ORC2: variants seen among roughly 807,000 people sequenced by gnomAD.
The protein encoded by ORC2 is origin recognition complex subunit 2, also known as origin recognition complex protein 2 homolog.
Under a neutral mutation model 77.7 loss-of-function variants are expected in ORC2, and 37 were observed. The ratio of observed to expected loss-of-function variants is 0.48; its 90% CI spans 0.37 to 0.63. ORC2 has a LOEUF of 0.63. Ranked by LOEUF, ORC2 falls within the 20% of genes least tolerant of loss-of-function variation. The pLI is 0.00. For synonymous variants in ORC2, 201 were observed against 229.5 expected (o/e 0.88, Z 1.12); for missense variants, 557 against 661.9 (o/e 0.84, Z 1.74).
chr2:200,953,426 T>A lies in ORC2; in HGVS notation c.239-3783A>T, dbSNP rs199784082. 2.9e-3 allele frequency among the ~76,000 whole-genome samples: 320 copies of A among 111,560 alleles called. 1 individual carries two copies. Among genetic ancestry groups the A allele is most frequent in the East Asian group, 8.5e-3 (43 of 5,074 alleles). The allele number at this position is 111,560 out of a possible 152,430, so 73.2% of individuals were successfully genotyped here. A position where few individuals can be genotyped will look rare whatever the true frequency, so the allele number is the denominator to read the frequency against. ...AAGGGCTACTGTTTTTTTTTTTTTT[T>A]AAAAAAGGAAATAGGTGTTGGTAAG... is the stretch of plus-strand genomic sequence containing the variant. On this transcript the variant is annotated intron_variant, in intron 4 of 17. Coordinates refer to ENST00000234296, the MANE Select transcript of ORC2 (RefSeq NM_006190.5).
At chr2:200,947,814 C>A (rs1034254667) in intron 5 of ORC2, among the ~76,000 whole-genome samples, 7 of 152,120 alleles carry the variant, frequency 4.6e-5, no homozygotes, top group Admixed American at 6.6e-5. Context: ...TGGCTCACTG[C>A]AACCTTGAAC....
intron 11 of ORC2, among the ~76,000 whole-genome samples, chr2:200,928,122 G>C (rs555516314): frequency 1.3e-5 from 2 of 152,002 alleles, no homozygotes. Context: ...TTGGGAGGTC[G>C]AGGCAGGTGG....
intron 10 of ORC2, among the ~76,000 whole-genome samples, chr2:200,933,597 C>T (rs147759191): frequency 1.2e-4 from 18 of 152,214 alleles, no homozygotes; most frequent in Admixed American, 7.2e-4. Context: ...TTAGTAACAA[C>T]GAGGTCTCCC....
At chr2:200,920,934 T>C (rs2307358) in intron 14 of ORC2, 59 bp downstream of exon 14, 208,251 of 1,229,952 alleles carry the variant, frequency 0.17, 19,914 homozygotes, top group African/African-American at 0.37. Context: ...TTTATATTAA[T>C]AGAATTTGTC....
At chr2:200,933,123 T>A (rs1472024543) in intron 10 of ORC2, among the ~76,000 whole-genome samples, 1 of 152,166 alleles carries the variant, frequency 6.6e-6, no homozygotes, top group Non-Finnish European at 1.5e-5. Flanking sequence ...GAGCCAGGAC[T>A]TAGATTATCA....
rs1000370041 is a variant in ORC2, at chr2:200,912,587, CT to C, written c.1647+707del. 2.2e-3 allele frequency among the ~76,000 whole-genome samples: 326 copies of C among 145,406 alleles called. 1 individual carries two copies. Among genetic ancestry groups the C allele is most frequent in the African/African-American group, 5.4e-3 (217 of 40,074 alleles). On this transcript the variant is annotated intron_variant, in intron 17 of 17. Coordinates refer to ENST00000234296, the MANE Select transcript of ORC2 (RefSeq NM_006190.5). ...CAGCTGCGTGCCACCACAACCAGCT[CT>C]TTTTTTTTTTTCTTTCATAGACAGG...
At chr2:200,931,975 CA>C (rs1206296091) in intron 10 of ORC2, among the ~76,000 whole-genome samples, 3 of 152,144 alleles carry the variant, frequency 2.0e-5, no homozygotes, top group Non-Finnish European at 2.9e-5. Flanking sequence ...AAAACTCTAG[CA>C]AAAAGCTACA....
chr2:200,949,722 G>T, intron 4 of ORC2, 79 bp from the exon 5 acceptor site: 1 of 729,556 alleles, frequency 1.4e-6, no homozygotes, highest in Non-Finnish European at 2.4e-6. Flanking sequence ...AAAAACTTAA[G>T]ATTTGTACCC....
intron 11 of ORC2, among the ~76,000 whole-genome samples, chr2:200,930,192 G>C (rs1472460729): frequency 3.9e-5 from 6 of 152,056 alleles, no homozygotes; most frequent in Non-Finnish European, 7.4e-5. Flanking sequence ...GGCAATGCAG[G>C]ATAACCTAGA....
chr2:200,914,734 C>T (rs1053698440), intron 15 of ORC2, among the ~76,000 whole-genome samples: 7 of 152,214 alleles, frequency 4.6e-5, no homozygotes, highest in Admixed American at 2.6e-4. Flanking sequence ...GAGTGACAGA[C>T]ACCCTGTCTC....
rs1156410150 is a variant in ORC2, at chr2:200,937,985, A to G, written c.454-19T>C. Reference sequence around the variant, plus strand: ...CATTGTTCTGTTTAGAAATAGAAAAAGCATTAAATAATAACATGGAAATTA... The same window carrying G: ...CATTGTTCTGTTTAGAAATAGAAAAGGCATTAAATAATAACATGGAAATTA... On this transcript the variant is annotated intron_variant, in intron 7 of 17. Transcript: ENST00000234296. 2.6e-6 allele frequency: 4 copies of G among 1,532,918 alleles called. No homozygotes were observed. In the South Asian group the frequency reaches 4.6e-5, roughly 18 times the overall value. The allele number at this position is 1,532,918 out of a possible 1,614,324, so 95.0% of individuals were successfully genotyped here.
At chr2:200,947,768 C>T (rs2125015011) in intron 5 of ORC2, among the ~76,000 whole-genome samples, 1 of 152,194 alleles carries the variant, frequency 6.6e-6, no homozygotes, top group Non-Finnish European at 1.5e-5. Context: ...CAGGGTTTCA[C>T]TCTGTCACCC....
At position 200,958,051 on chromosome 2, in the gene ORC2, G is replaced by A. The variant is rs1370372727; in HGVS notation, c.73C>T (p.His25Tyr). 2 of 1,602,538 alleles carry A rather than the reference G, an allele frequency of 1.2e-6. No homozygotes were observed. The highest frequency in any genetic ancestry group is 1.3e-5 in the African/African-American group (1 of 74,670). Residue 25 changes from histidine to tyrosine, a missense_variant, in exon 3 of 18, where the codon CAC (histidine) becomes TAC (tyrosine). By Grantham distance (83) the His-to-Tyr change is moderately conservative. Transcript: ENST00000234296. ...HFVGDDDVLN[H>Y]ILDREGGAKL... is the part of the protein sequence containing the mutation. ...ATACCTCCTTCTCTATCTAGAATGTGATTAAGAACATCATCATCTCCCACA... is the reference window on the plus strand; with the variant it reads ...ATACCTCCTTCTCTATCTAGAATGTAATTAAGAACATCATCATCTCCCACA...
At position 200,925,890 on chromosome 2, in the gene ORC2, T is replaced by C. The variant is rs1302698041; in HGVS notation, c.1093A>G (p.Thr365Ala). The change falls in exon 13 of 18, where the codon ACT becomes GCT. Residue 365 changes from threonine to alanine, a missense_variant. By Grantham distance (58) the Thr-to-Ala change is moderately conservative. Transcript: ENST00000234296. ...AGCTGATCCAGTATACTGCGGAAAG[T>C]ACCCATATGATCGAGGACTTCTTCT... is the stretch of plus-strand genomic sequence containing the variant. ...ITEEVLDHMGTFRSILDQLDW... is the reference protein window; with the variant it reads ...ITEEVLDHMGAFRSILDQLDW... 6.2e-7 allele frequency: 1 copy of C among 1,601,132 alleles called. No individual in the cohort carries two copies. Among genetic ancestry groups the C allele is most frequent in the African/African-American group, 1.3e-5 (1 of 74,840 alleles).
intron 5 of ORC2, among the ~76,000 whole-genome samples, chr2:200,944,715 A>T (rs1575175644): frequency 6.6e-6 from 1 of 151,942 alleles, no homozygotes; most frequent in Non-Finnish European, 1.5e-5. Flanking sequence ...TAATTTTTAA[A>T]TTTTTGTAGA....
At chr2:200,915,076 C>T (rs987241322) in intron 15 of ORC2, among the ~76,000 whole-genome samples, 36 of 126,668 alleles carry the variant, frequency 2.8e-4, no homozygotes, top group African/African-American at 8.8e-4. Flanking sequence ...AGTGCAATGG[C>T]GCGATCTTGG....
rs2041034024 is a variant in ORC2, at chr2:200,935,827, C to T, written c.580G>A (p.Val194Ile). ...GTGTCCTCTTCATGTTCCTGTGCAA[C>T]CCCTTCATCATCCTCTGAGTTGGAA... ...SASNSEDDEG[V>I]AQEHEEDTNA... The change falls in exon 9 of 18, where the codon GTT becomes ATT. Residue 194 changes from valine to isoleucine, a missense_variant. Physicochemically the swap from Val to Ile is conservative, Grantham distance 29. Transcript: ENST00000234296. 1.2e-6 allele frequency: 2 copies of T among 1,613,932 alleles called. No homozygotes were observed. The highest frequency in any genetic ancestry group is 1.3e-5 in the African/African-American group (1 of 74,902).
At chr2:200,919,728 T>A (rs941179881) in intron 15 of ORC2, among the ~76,000 whole-genome samples, 23 of 152,214 alleles carry the variant, frequency 1.5e-4, no homozygotes, top group African/African-American at 4.1e-4. Context: ...GATATGCCTC[T>A]AGGTTAGGCT....
At chr2:200,951,397 C>T (rs549357966) in intron 4 of ORC2, among the ~76,000 whole-genome samples, 1 of 152,294 alleles carries the variant, frequency 6.6e-6, no homozygotes, top group Non-Finnish European at 1.5e-5. Flanking sequence ...AACATAACTA[C>T]TGGATTATAT....
Sources: allele counts gnomAD v4.1 joint callset (sites outside exome capture counted in the v4.1 genomes callset), GRCh38; gene constraint gnomAD v4.1.1; transcripts MANE v1.5; gene names NCBI Gene and HGNC (gene_info 2026-07-23, HGNC 2026-07-21).